Variants in ANAPC5 observed in about 807,000 individuals in gnomAD.
ANAPC5 encodes anaphase-promoting complex subunit 5.
Under a neutral mutation model 91.3 loss-of-function variants are expected in ANAPC5, and 60 were observed. The ratio of observed to expected loss-of-function variants is 0.66; its 90% confidence interval spans 0.53 to 0.81. The LOEUF is 0.81. Among genes scored for constraint, ANAPC5 ranks in the 40% least tolerant of loss-of-function variants. The probability of loss-of-function intolerance (pLI) is 0.00; values close to 1 mark genes in which losing one functional copy is unlikely to be tolerated. For synonymous variants in ANAPC5, 340 were observed against 364.1 expected (o/e 0.93, Z 0.75); for missense variants, 690 against 931.5 (o/e 0.74, Z 3.37).
rs1331231174 is a variant in ANAPC5 at position 121,342,263 on chromosome 12, T to G, written c.591-194A>C. Among the ~76,000 whole-genome samples, 1 of 152,180 alleles carries G rather than the reference T, an allele frequency of 6.6e-6. No individual in the cohort carries two copies. The highest frequency in any genetic ancestry group is 1.9e-4 in the East Asian group (1 of 5,188). ...GCCCATAAAGAAGCCCTGGCATGCA[T>G]GGTCAAATGGTTTTTGGCAACAGTG... On this transcript the variant is annotated intron_variant, in intron 4 of 16. Coordinates refer to ENST00000261819, the MANE Select transcript of ANAPC5 (RefSeq NM_016237.5). This position sits in a 1 kb window ranked among gnomAD's most constrained non-coding sequence, Gnocchi z 4.1.
chr12:121,330,696 A>G (rs907290763), intron 8 of ANAPC5, 24 bp from the exon 9 acceptor site: 11 of 1,595,390 alleles, frequency 6.9e-6, no homozygotes, highest in Admixed American at 1.7e-5. Context: ...TCATCAAAAT[A>G]TATCATAACA....
At position 121,352,362 on chromosome 12, in the gene ANAPC5, G is replaced by A. The variant is rs782587988; in HGVS notation, c.-22C>T. The A allele has an allele frequency of 8.9e-6, 14 of 1,572,712 alleles. No homozygotes were observed. Among genetic ancestry groups the A allele is most frequent in the East Asian group, 2.3e-5 (1 of 44,114 alleles). On this transcript the variant is annotated 5_prime_UTR_variant, in exon 1 of 17. Coordinates refer to ENST00000261819, the MANE Select transcript of ANAPC5 (RefSeq NM_016237.5). ...CCATGGCGGCCCGAGACTAAGTCTCGGGCCCGCGGCGCGCTGCCGCCAGTT... is the reference window on the plus strand; with the variant it reads ...CCATGGCGGCCCGAGACTAAGTCTCAGGCCCGCGGCGCGCTGCCGCCAGTT...
rs113720618 is a variant in ANAPC5, at chr12:121,335,506, C to T, written c.950+27G>A. The T allele has an allele frequency of 4.6e-5, 72 of 1,556,796 alleles. 2 individuals are homozygous for T. In the African/African-American group the frequency reaches 5.2e-4, roughly 11 times the overall value. On this transcript the variant is annotated intron_variant, in intron 7 of 16. Transcript: ENST00000261819. ...TATTGTCATCGGTTCCTTCAATTTGCGCAAGGACAAAGGTCTATAAACTTA... is the reference window on the plus strand; with the variant it reads ...TATTGTCATCGGTTCCTTCAATTTGTGCAAGGACAAAGGTCTATAAACTTA...
rs778488075 is a variant in ANAPC5, at chr12:121,308,743, A to G, written c.2057-52T>C. 17 of 1,411,636 alleles carry G rather than the reference A, an allele frequency of 1.2e-5. No individual in the cohort carries two copies. The Admixed American group carries it at 2.9e-4, about 24-fold the overall frequency. The allele number at this position is 1,411,636 out of a possible 1,614,324, so 87.4% of individuals were successfully genotyped here. ...ACATTTAACTCAACCCTTCACGTAT[A>G]GTTTTCAAAACGTGGTATTTAGTTT... On this transcript the variant is annotated intron_variant, in intron 16 of 16. Transcript: ENST00000261819.
intron 11 of ANAPC5, among the ~76,000 whole-genome samples, chr12:121,325,897 G>A (rs1382710543): frequency 2.0e-5 from 3 of 152,162 alleles, no homozygotes; most frequent in East Asian, 1.9e-4. Context: ...TATGTTCACC[G>A]ACTCATTCAT....
intron 1 of ANAPC5, chr12:121,351,246 G>A (rs1555275323): frequency 3.0e-6 from 1 of 334,266 alleles, no homozygotes; most frequent in Middle Eastern, 1.1e-3. Context: ...AGTGACCCGC[G>A]CCTGTACTCC....
Position 121,352,388 on chromosome 12 carries a change from G to A in ANAPC5, c.-48C>T, listed in dbSNP as rs181089113. The A allele has an allele frequency of 1.2e-5, 18 of 1,495,074 alleles. No homozygotes were observed. The African/African-American group carries it at 1.8e-4, about 15-fold the overall frequency. The allele number at this position is 1,495,074 out of a possible 1,614,324, so 92.6% of individuals were successfully genotyped here. A position where few individuals can be genotyped will look rare whatever the true frequency, so the allele number is the denominator to read the frequency against. Reference sequence around the variant, plus strand: ...GGCCCGCGGCGCGCTGCCGCCAGTTGTCACCACAAGGCACAACACTACCGG... The same window carrying A: ...GGCCCGCGGCGCGCTGCCGCCAGTTATCACCACAAGGCACAACACTACCGG... On this transcript the variant is annotated 5_prime_UTR_variant, in exon 1 of 17. Coordinates refer to ENST00000261819, the MANE Select transcript of ANAPC5 (RefSeq NM_016237.5).
intron 11 of ANAPC5, 83 bp from the exon 12 acceptor site, chr12:121,320,542 C>A: frequency 8.7e-7 from 1 of 1,146,248 alleles, no homozygotes; most frequent in Non-Finnish European, 1.3e-6. Context: ...GTGACAGATT[C>A]ACCTGTTCCC....
chr12:121,347,467 T>G, intron 2 of ANAPC5: 1 of 282,688 alleles, frequency 3.5e-6, no homozygotes, highest in Non-Finnish European at 6.6e-6. Flanking sequence ...CCATCTCTAC[T>G]AAAAATACAA....
rs750013415 is a variant in ANAPC5 at position 121,309,761 on chromosome 12, A to T, written c.1996T>A (p.Leu666Ile). Residue 666 changes from leucine (L) to isoleucine (I), a missense_variant, in exon 16 of 17, where the codon TTA becomes ATA. Transcript: ENST00000261819. ...AILDKGRAMF[L>I]VAKCQVASAA... ...GAAGCCACCTGGCACTTGGCCACTAAGAACATGGCACGACCTTTGTCCAGG... is the reference window on the plus strand; with the variant it reads ...GAAGCCACCTGGCACTTGGCCACTATGAACATGGCACGACCTTTGTCCAGG... 1.2e-6 allele frequency: 2 copies of T among 1,614,168 alleles called. No individual in the cohort carries two copies.
At chr12:121,315,367 C>A (rs532957597) in intron 15 of ANAPC5, among the ~76,000 whole-genome samples, 32 of 152,306 alleles carry the variant, frequency 2.1e-4, no homozygotes, top group African/African-American at 7.7e-4. Flanking sequence ...GTTCTCCAAA[C>A]TGACCTACAG....
In ANAPC5 at chr12:121,309,730, G is replaced by A. The variant is rs140792985; in HGVS notation, c.2027C>T (p.Ala676Val). The A allele has an allele frequency of 2.2e-4, 351 of 1,614,058 alleles. No individual in the cohort carries two copies. Among genetic ancestry groups the A allele is most frequent in the Admixed American group, 2.7e-4 (16 of 60,006 alleles). Residue 676 changes from alanine (A) to valine (V), a missense_variant, in exon 16 of 17, where the codon GCT becomes GTT. This residue lies in a region of ANAPC5 where 317 missense variants were observed against 438.7 expected (regional missense o/e 0.72). Coordinates refer to ENST00000261819, the MANE Select transcript of ANAPC5 (RefSeq NM_016237.5). ...TGCTTTCTTCGGCTGATCGTAGGAAGCTGCTGAAGCCACCTGGCACTTGGC... is the reference window on the plus strand; with the variant it reads ...TGCTTTCTTCGGCTGATCGTAGGAAACTGCTGAAGCCACCTGGCACTTGGC... ...LVAKCQVASAASYDQPKKAEA... is the reference protein window; with the variant it reads ...LVAKCQVASAVSYDQPKKAEA...
In ANAPC5 at chr12:121,308,377, G is replaced by T; in HGVS notation, c.*103C>A. On this transcript the variant is annotated 3_prime_UTR_variant, in exon 17 of 17. Coordinates refer to ENST00000261819, the MANE Select transcript of ANAPC5 (RefSeq NM_016237.5). ...CAAACTAATCAGAATGCTGTTTATT[G>T]ACAAGATAGGGTGTCACAAATACAT... is the stretch of plus-strand genomic sequence containing the variant. 1.1e-6 allele frequency: 1 copy of T among 878,368 alleles called. No individual in the cohort carries two copies. The highest frequency in any genetic ancestry group is 1.8e-6 in the Non-Finnish European group (1 of 560,034). The allele number at this position is 878,368 out of a possible 1,614,324, so 54.4% of individuals were successfully genotyped here.
intron 9 of ANAPC5, chr12:121,329,094 T>C (rs1555272596): frequency 3.3e-5 from 5 of 152,462 alleles, no homozygotes; most frequent in East Asian, 1.9e-4. Context: ...TAATCAATTC[T>C]GTACGTATGA....
intron 4 of ANAPC5, among the ~76,000 whole-genome samples, chr12:121,344,828 G>A (rs191436763): frequency 3.9e-5 from 6 of 152,238 alleles, no homozygotes; most frequent in African/African-American, 1.2e-4. Context: ...AGAGAAAGAG[G>A]TCAGGGAAGT....
chr12:121,327,223 G>A lies in ANAPC5; in HGVS notation c.1313C>T (p.Ala438Val). Residue 438 changes from alanine (A) to valine (V), a missense_variant, in exon 11 of 17, where the codon GCA becomes GTA. Physicochemically the swap from Ala to Val is moderately conservative, Grantham distance 64. Around this residue, in one of 5 missense-constraint regions of ANAPC5, gnomAD observed 317 missense variants for 438.7 expected, o/e 0.72. Coordinates refer to ENST00000261819, the MANE Select transcript of ANAPC5 (RefSeq NM_016237.5). Reference sequence around the variant, plus strand: ...CAGCAACATCTGGGCCTGTTGCAGTGCCATGGTGCTGGGTGGGGAGAGGGA... The same window carrying A: ...CAGCAACATCTGGGCCTGTTGCAGTACCATGGTGCTGGGTGGGGAGAGGGA... ...IWRLYGRSTM[A>V]LQQAQMLLSM... 6.2e-7 allele frequency: 1 copy of A among 1,612,984 alleles called. No individual in the cohort carries two copies. Among genetic ancestry groups the A allele is most frequent in the Non-Finnish European group, 8.5e-7 (1 of 1,179,910 alleles).
chr12:121,322,572 C>T (rs1360379251), intron 11 of ANAPC5, among the ~76,000 whole-genome samples: 2 of 152,088 alleles, frequency 1.3e-5, no homozygotes, highest in African/African-American at 2.4e-5. Context: ...TTTATATCAT[C>T]GTAGTATTTT....
intron 15 of ANAPC5, among the ~76,000 whole-genome samples, chr12:121,316,103 T>TA (rs1190367717): frequency 2.6e-5 from 4 of 152,128 alleles, no homozygotes; most frequent in African/African-American, 9.6e-5. Flanking sequence ...ATCAAAAAGA[T>TA]AAACAACTTA....
chr12:121,324,424 A>G (rs959731523), intron 11 of ANAPC5, among the ~76,000 whole-genome samples: 1 of 152,170 alleles, frequency 6.6e-6, no homozygotes, highest in African/African-American at 2.4e-5. Context: ...CTGGCTGTTG[A>G]AGCCAAACAA....
Sources: gnomAD v4.1 joint callset for allele counts (sites outside exome capture counted in the v4.1 genomes callset) on GRCh38, gnomAD v4.1.1 for gene constraint, gnomAD v4.1.1 regional missense constraint, Gnocchi (gnomAD v3.1) non-coding constraint, MANE v1.5 for transcripts, NCBI Gene and HGNC (gene_info 2026-07-23, HGNC 2026-07-21) for gene names.